The following ROBO2 variants were observed in gnomAD, a reference collection of about 807,000 sequenced individuals.
ROBO2 encodes the protein roundabout homolog 2.
Under a neutral mutation model 160.8 loss-of-function variants are expected in ROBO2, and 53 were observed. The observed-to-expected ratio is 0.33, with a 90% CI of 0.26 to 0.41. ROBO2 has a LOEUF of 0.41. Ranked by LOEUF, ROBO2 falls within the 10% of genes least tolerant of loss-of-function variation. ROBO2 has a pLI of 1.00. For synonymous variants in ROBO2, 664 were observed against 611.7 expected, an observed-to-expected ratio of 1.09 and a Z score of -1.26; for missense variants, 1,577 against 1,722.4, an observed-to-expected ratio of 0.92 and a Z score of 1.49.
intron 2 of ROBO2, among the ~76,000 whole-genome samples, chr3:76,691,275 G>A (rs1272382725): frequency 6.6e-6 from 1 of 152,002 alleles, no homozygotes; most frequent in Non-Finnish European, 1.5e-5. Context: ...ATCACAGCAA[G>A]AAGGCCCTCA....
rs575278718 is a variant in ROBO2, at chr3:77,123,668, G to A, written c.388+25328G>A. On this transcript the variant is annotated intron_variant, in intron 2 of 25. Coordinates refer to ENST00000461745, the Ensembl canonical transcript of ROBO2. Reference sequence around the variant, plus strand: ...ACAAGAAAATGATAAACGTAGGTAAGGGTAGAGGACAGCAGCTTTCATATA... The same window carrying A: ...ACAAGAAAATGATAAACGTAGGTAAAGGTAGAGGACAGCAGCTTTCATATA... Among the ~76,000 whole-genome samples the A allele has an allele frequency of 2.0e-5, 3 of 150,606 alleles. No homozygotes were observed. The South Asian group carries it at 6.3e-4, about 31-fold the overall frequency.
At chr3:77,132,717 A>T (rs763766368) in intron 2 of ROBO2, among the ~76,000 whole-genome samples, 11 of 151,866 alleles carry the variant, frequency 7.2e-5, no homozygotes, top group Non-Finnish European at 1.2e-4. Context: ...TTTTAAGTAC[A>T]AGAGTCTTTA....
chr3:77,274,334 T>C (rs2059688789), intron 2 of ROBO2, among the ~76,000 whole-genome samples: 1 of 152,176 alleles, frequency 6.6e-6, no homozygotes, highest in African/African-American at 2.4e-5. Context: ...TCTTTTTAAA[T>C]AGCTTTATTG....
intron 2 of ROBO2, among the ~76,000 whole-genome samples, chr3:77,467,463 C>T (rs577128858): frequency 2.6e-5 from 4 of 152,084 alleles, no homozygotes; most frequent in South Asian, 2.1e-4. Flanking sequence ...TCTGAAGACC[C>T]GAGGCCCATG....
intron 1 of ROBO2, among the ~76,000 whole-genome samples, chr3:77,091,058 A>G (rs1045509707): frequency 6.6e-6 from 1 of 152,224 alleles, no homozygotes; most frequent in Non-Finnish European, 1.5e-5. Flanking sequence ...TTCGGCCCTC[A>G]GAAAAATTTA....
At chr3:76,310,008 G>T (rs182812133) in intron 2 of ROBO2, among the ~76,000 whole-genome samples, 2 of 151,770 alleles carry the variant, frequency 1.3e-5, no homozygotes, top group South Asian at 2.1e-4. Flanking sequence ...TTTTGTAGAG[G>T]TGGGGGTCTC....
At chr3:77,600,703 A>T (rs527462994) in intron 19 of ROBO2, among the ~76,000 whole-genome samples, 235 of 152,322 alleles carry the variant, frequency 1.5e-3, no homozygotes, top group Middle Eastern at 3.4e-3. Context: ...ACCCAGAATG[A>T]AGGATCTATT....
rs564711795 is a variant in ROBO2 at position 76,100,026 on chromosome 3, G to A, written c.109+162424G>A. Among the ~76,000 whole-genome samples the A allele has an allele frequency of 3.9e-5, 6 of 152,234 alleles. 1 individual carries two copies. The South Asian group carries it at 1.2e-3, about 32-fold the overall frequency. ...ATAGCGTGGATCTGCAAACAGCATT[G>A]GGCTCATAGCCTCATGCATAGTCCT... On this transcript the variant is annotated intron_variant, in intron 2 of 26. Transcript: ENST00000487694.
At chr3:76,751,478 A>G (rs1312911703) in intron 2 of ROBO2, among the ~76,000 whole-genome samples, 1 of 151,576 alleles carries the variant, frequency 6.6e-6, no homozygotes, top group Admixed American at 6.6e-5. Context: ...TAAAGAATTT[A>G]AAAGAAACTA....
intron 2 of ROBO2, among the ~76,000 whole-genome samples, chr3:76,095,683 T>C (rs879320207): frequency 6.6e-6 from 1 of 151,980 alleles, no homozygotes; most frequent in Admixed American, 6.6e-5. Context: ...GTACTATCTA[T>C]GGTATTGTCA....
At chr3:76,089,917 T>C (rs1281591748) in intron 2 of ROBO2, among the ~76,000 whole-genome samples, 1 of 152,030 alleles carries the variant, frequency 6.6e-6, no homozygotes, top group Non-Finnish European at 1.5e-5. Context: ...ATTGTTGACA[T>C]AAAAAAATCC....
At chr3:76,421,724 C>G (rs1337014389) in intron 2 of ROBO2, among the ~76,000 whole-genome samples, 1 of 79,928 alleles carries the variant, frequency 1.3e-5, no homozygotes, top group Non-Finnish European at 2.3e-5. Context: ...GAAACTCCAT[C>G]TAAAAAAAAA....
intron 2 of ROBO2, among the ~76,000 whole-genome samples, chr3:76,716,770 T>G (rs2093385878): frequency 6.6e-6 from 1 of 152,192 alleles, no homozygotes; most frequent in African/African-American, 2.4e-5. Context: ...TCAGATGTTG[T>G]GTGTACTTAA....
intron 2 of ROBO2, among the ~76,000 whole-genome samples, chr3:76,802,679 G>A (rs1407045030): frequency 6.8e-6 from 1 of 147,678 alleles, no homozygotes; most frequent in Non-Finnish European, 1.5e-5. Flanking sequence ...AGTGAGCCAA[G>A]ATGGCGTCAC....
At chr3:77,298,100 A>C (rs1464011262) in intron 2 of ROBO2, among the ~76,000 whole-genome samples, 1 of 152,284 alleles carries the variant, frequency 6.6e-6, no homozygotes, top group Non-Finnish European at 1.5e-5. Flanking sequence ...GGATTCAGTG[A>C]AAATGAAGCT....
chr3:76,896,219 T>G (rs1470503541), intron 2 of ROBO2, among the ~76,000 whole-genome samples: 1 of 152,214 alleles, frequency 6.6e-6, no homozygotes, highest in Non-Finnish European at 1.5e-5. Flanking sequence ...ACATTTCTAT[T>G]TAGAGAATTC....
intron 2 of ROBO2, among the ~76,000 whole-genome samples, chr3:76,533,468 C>T (rs1280931164): frequency 6.6e-6 from 1 of 152,104 alleles, no homozygotes; most frequent in African/African-American, 2.4e-5. Context: ...GATAGATGCA[C>T]ATCATATTAG....
chr3:76,958,388 G>A (rs770546694), intron 2 of ROBO2, among the ~76,000 whole-genome samples: 1 of 152,170 alleles, frequency 6.6e-6, no homozygotes, highest in Non-Finnish European at 1.5e-5. Flanking sequence ...TTATCTGTCT[G>A]CTCTTCCTCT....
At chr3:76,628,256 C>CT (rs998508821) in intron 2 of ROBO2, among the ~76,000 whole-genome samples, 9 of 151,286 alleles carry the variant, frequency 5.9e-5, no homozygotes, top group African/African-American at 1.7e-4. Context: ...TTTTTTCTTT[C>CT]TTTTTTTTAT....
Sources: allele counts gnomAD v4.1 joint callset (sites outside exome capture counted in the v4.1 genomes callset), GRCh38; gene constraint gnomAD v4.1.1; transcripts MANE v1.5; gene names NCBI Gene and HGNC (gene_info 2026-07-23, HGNC 2026-07-21).